MRPS6: variants seen among roughly 807,000 people sequenced by gnomAD.
MRPS6 encodes the protein small ribosomal subunit protein bS6m.
A neutral mutation model predicts 13.1 loss-of-function variants in MRPS6; 6 were observed. The ratio of observed to expected loss-of-function variants is 0.46; its 90% CI spans 0.25 to 0.91. The LOEUF (loss-of-function observed/expected upper bound fraction) is 0.91. Among genes scored for constraint, MRPS6 ranks in the 40% least tolerant of loss-of-function variants. MRPS6 has a pLI of 0.18. For missense variants in MRPS6, 164 were observed against 155.6 expected, an observed-to-expected ratio of 1.05 and a Z score of -0.29; for synonymous variants, 61 against 56.5, an observed-to-expected ratio of 1.08 and a Z score of -0.36.
At chr21:34,135,758 G>T in intron 2 of MRPS6, 1 of 469,692 alleles carries the variant, frequency 2.1e-6, no homozygotes, top group South Asian at 1.9e-5. Flanking sequence ...TGGATGAAAT[G>T]GAAGGCATAC....
At chr21:34,111,845 G>GT (rs60855689) in intron 1 of MRPS6, among the ~76,000 whole-genome samples, 4,337 of 141,890 alleles carry the variant, frequency 0.031, 92 homozygotes, top group African/African-American at 0.056. Flanking sequence ...CAGAGTTGAG[G>GT]TTTTTTTTTT....
chr21:34,103,217 T>C, intron 1 of MRPS6: 1 of 1,000,052 alleles, frequency 1.0e-6, no homozygotes, highest in Non-Finnish European at 1.2e-6. Flanking sequence ...TGCCTTCTGG[T>C]TACCAGTATT....
chr21:34,106,852 A>T (rs1979497165), intron 1 of MRPS6, among the ~76,000 whole-genome samples: 1 of 151,892 alleles, frequency 6.6e-6, no homozygotes, highest in Non-Finnish European at 1.5e-5. Context: ...AAGCCAGTTC[A>T]TTGCATTTAG....
intron 2 of MRPS6, among the ~76,000 whole-genome samples, chr21:34,141,542 T>C (rs1980906393): frequency 6.6e-6 from 1 of 152,190 alleles, no homozygotes; most frequent in Admixed American, 6.5e-5. Context: ...GAGAACCACA[T>C]GTATGCCTAG....
intron 1 of MRPS6, among the ~76,000 whole-genome samples, chr21:34,116,566 G>C (rs1341452983): frequency 6.7e-6 from 1 of 150,206 alleles, no homozygotes; most frequent in Non-Finnish European, 1.5e-5. Context: ...ACATGGGTAT[G>C]GTAGTTTGCT....
intron 2 of MRPS6, among the ~76,000 whole-genome samples, chr21:34,138,396 CATTTAAGTCTTT>C (rs1225628515): frequency 3.3e-5 from 5 of 151,950 alleles, no homozygotes; most frequent in Non-Finnish European, 7.4e-5. Context: ...TTAGGTCTAA[CATTTAAGTCTTT>C]AATCCATCTT....
intron 1 of MRPS6, chr21:34,098,146 C>T (rs1187161357): frequency 2.0e-6 from 2 of 999,832 alleles, no homozygotes; most frequent in African/African-American, 3.5e-5. Context: ...ATTTATTGAT[C>T]ATATTAAGGT....
At chr21:34,131,928 A>G (rs7283009) in intron 2 of MRPS6, among the ~76,000 whole-genome samples, 9,720 of 152,220 alleles carry the variant, frequency 0.064, 1,047 homozygotes, top group African/African-American at 0.22. Context: ...TGCCTCATCC[A>G]TTTAACCTCC....
At chr21:34,109,504 C>T (rs1979614097) in intron 1 of MRPS6, among the ~76,000 whole-genome samples, 1 of 152,172 alleles carries the variant, frequency 6.6e-6, no homozygotes, top group Non-Finnish European at 1.5e-5. Flanking sequence ...TGCATTTTTT[C>T]CTTAATCTCT....
chr21:34,097,466 C>G (rs1979020109), intron 1 of MRPS6: 3 of 1,454,048 alleles, frequency 2.1e-6, no homozygotes, highest in Non-Finnish European at 2.7e-6. Flanking sequence ...AGGTTTTAGC[C>G]AAATTTTACT....
rs1303069470 is a variant in MRPS6 at position 34,097,093 on chromosome 21, C to G, written c.45+23348C>G. The G allele has an allele frequency of 9.3e-6, 15 of 1,613,932 alleles. No individual in the cohort carries two copies. The Admixed American group carries it at 2.5e-4, about 27-fold the overall frequency. On this transcript the variant is annotated intron_variant, in intron 1 of 2. Coordinates refer to ENST00000399312, the MANE Select transcript of MRPS6 (RefSeq NM_032476.4). ...GCAGAAACACCAGTTGACGCTTACT[C>G]CAATGGGCAAGCAGCTCTCATGGGT...
intron 1 of MRPS6, chr21:34,103,326 A>C (rs892367352): frequency 1.3e-5 from 13 of 999,130 alleles, no homozygotes; most frequent in Non-Finnish European, 1.6e-5. Flanking sequence ...AAAAAAAAAA[A>C]AAAAACATGC....
intron 1 of MRPS6, among the ~76,000 whole-genome samples, chr21:34,108,407 A>C (rs570160440): frequency 2.0e-5 from 3 of 152,330 alleles, no homozygotes; most frequent in African/African-American, 7.2e-5. Flanking sequence ...AGGCTACACC[A>C]CATAGCCTAG....
intron 2 of MRPS6, among the ~76,000 whole-genome samples, chr21:34,127,774 C>T (rs1427465266): frequency 2.6e-5 from 4 of 152,204 alleles, no homozygotes; most frequent in Non-Finnish European, 4.4e-5. Context: ...TCTTTATGTG[C>T]ATTAATCCAT....
chr21:34,075,036 C>T (rs758765667), intron 1 of MRPS6, among the ~76,000 whole-genome samples: 1 of 152,178 alleles, frequency 6.6e-6, no homozygotes, highest in African/African-American at 2.4e-5. Context: ...TCTTGAATAT[C>T]CCTTTTGGCC....
intron 2 of MRPS6, among the ~76,000 whole-genome samples, chr21:34,130,084 C>T (rs1980448338): frequency 6.6e-6 from 1 of 152,172 alleles, no homozygotes; most frequent in Admixed American, 6.5e-5. Flanking sequence ...CTCAAGGATG[C>T]TTCAGGGCTG....
chr21:34,106,461 T>C (rs904280086), intron 1 of MRPS6, among the ~76,000 whole-genome samples: 2 of 152,246 alleles, frequency 1.3e-5, no homozygotes, highest in African/African-American at 4.8e-5. Flanking sequence ...AATAGGATTA[T>C]GTGTAAAACA....
intron 1 of MRPS6, among the ~76,000 whole-genome samples, chr21:34,079,404 T>C (rs1989407913): frequency 1.3e-5 from 2 of 152,104 alleles, no homozygotes; most frequent in Non-Finnish European, 2.9e-5. Flanking sequence ...TGCTGCTGTT[T>C]TCTGATGTTA....
intron 1 of MRPS6, among the ~76,000 whole-genome samples, chr21:34,088,081 A>G (rs188694379): frequency 3.3e-5 from 5 of 152,348 alleles, no homozygotes; most frequent in African/African-American, 1.2e-4. Flanking sequence ...CACTTCATCC[A>G]TTAAGAGCAG....
Sources: gnomAD v4.1 joint callset for allele counts (sites outside exome capture counted in the v4.1 genomes callset) on GRCh38, gnomAD v4.1.1 for gene constraint, MANE v1.5 for transcripts, NCBI Gene and HGNC (gene_info 2026-07-23, HGNC 2026-07-21) for gene names.